The following AUTS2 variants were observed in gnomAD, a reference collection of about 807,000 sequenced individuals.
AUTS2 encodes the protein activator of transcription and developmental regulator AUTS2.
AUTS2 carries 17 observed loss-of-function variants against 112.4 expected under a neutral mutation model. The observed-to-expected ratio is 0.15, with a 90% CI of 0.10 to 0.23. The LOEUF is 0.23. Ranked by LOEUF, AUTS2 falls within the 10% of genes least tolerant of loss-of-function variation. The pLI is 1.00. For missense variants in AUTS2, 1,510 were observed against 1,701.6 expected (o/e 0.89, Z 1.98); for synonymous variants, 751 against 702.7 (o/e 1.07, Z -1.09).
chr7:70,776,239 T>C (rs1790678959), intron 13 of AUTS2, among the ~76,000 whole-genome samples: 1 of 152,206 alleles, frequency 6.6e-6, no homozygotes, highest in South Asian at 2.1e-4. Flanking sequence ...TGTGTTTTCT[T>C]CTCATCTGTC....
At chr7:70,772,086 A>G (rs114646276) in intron 11 of AUTS2, among the ~76,000 whole-genome samples, 2,282 of 152,286 alleles carry the variant, frequency 0.015, 46 homozygotes, top group African/African-American at 0.052. Flanking sequence ...CTAAAATTGT[A>G]TCCTATGAAT....
intron 4 of AUTS2, among the ~76,000 whole-genome samples, chr7:70,233,568 A>C (rs1305101703): frequency 6.6e-6 from 1 of 152,238 alleles, no homozygotes; most frequent in Non-Finnish European, 1.5e-5. Flanking sequence ...GCGGGCAGAT[A>C]CATTTGTCAA....
chr7:70,695,980 C>T (rs1375443870), intron 5 of AUTS2, among the ~76,000 whole-genome samples: 5 of 152,040 alleles, frequency 3.3e-5, no homozygotes, highest in Non-Finnish European at 2.9e-5. Context: ...GAGCTCAATT[C>T]GTCGGCTCAT....
At chr7:70,785,390 C>G in intron 16 of AUTS2, 1 of 508,370 alleles carries the variant, frequency 2.0e-6, no homozygotes, top group Non-Finnish European at 3.8e-6. Flanking sequence ...CTCTAGGAAG[C>G]GGAAAGAAAC....
At chr7:70,765,437 C>G (rs953044957) in intron 8 of AUTS2, among the ~76,000 whole-genome samples, 2 of 152,120 alleles carry the variant, frequency 1.3e-5, no homozygotes, top group East Asian at 1.9e-4. Flanking sequence ...CTTCTCCTGT[C>G]TCCTTGGGAG....
intron 1 of AUTS2, among the ~76,000 whole-genome samples, chr7:69,764,245 G>A (rs1226710543): frequency 6.6e-6 from 1 of 152,216 alleles, no homozygotes; most frequent in Non-Finnish European, 1.5e-5. Flanking sequence ...ATTTCCTGAA[G>A]TGCCATGAAG....
chr7:69,821,379 G>A (rs191376294), intron 1 of AUTS2, among the ~76,000 whole-genome samples: 83 of 152,230 alleles, frequency 5.5e-4, no homozygotes, highest in African/African-American at 2.0e-3. Context: ...CTAAAGGATT[G>A]TAAATGCACC....
intron 2 of AUTS2, among the ~76,000 whole-genome samples, chr7:70,037,776 T>C (rs771838204): frequency 6.6e-5 from 10 of 152,204 alleles, no homozygotes; most frequent in Non-Finnish European, 1.3e-4. Context: ...TTTTCTCATC[T>C]GTGTAATGAT....
chr7:70,779,508 G>A (rs1790926003), intron 14 of AUTS2, among the ~76,000 whole-genome samples: 1 of 152,204 alleles, frequency 6.6e-6, no homozygotes, highest in Admixed American at 6.5e-5. Context: ...TGCACGGGTA[G>A]CTTTTGCTTT....
intron 2 of AUTS2, among the ~76,000 whole-genome samples, chr7:70,074,614 C>T (rs1210692698): frequency 3.3e-5 from 5 of 152,172 alleles, no homozygotes; most frequent in Non-Finnish European, 7.3e-5. Context: ...ATCCCTTTTC[C>T]ACTCCATTAT....
intron 6 of AUTS2, among the ~76,000 whole-genome samples, chr7:70,721,095 A>G (rs1163248543): frequency 2.0e-5 from 3 of 151,400 alleles, no homozygotes; most frequent in Non-Finnish European, 4.4e-5. Context: ...AATAATAATA[A>G]TAATAATAGC....
rs574880272 is a variant in AUTS2, at chr7:69,867,606, T to C, written c.310-31680T>C. Among the ~76,000 whole-genome samples the C allele has an allele frequency of 7.9e-4, 120 of 152,310 alleles. 4 individuals are homozygous for C. In the South Asian group the frequency reaches 0.018, roughly 23 times the overall value. ...TTTTGGCCTTTTGTCCTTGCTTAAA[T>C]TCTCTTCCAATTCTTCCCTTCCAAT... On this transcript the variant is annotated intron_variant, in intron 1 of 18. Coordinates refer to ENST00000342771, the MANE Select transcript of AUTS2 (RefSeq NM_015570.4).
At chr7:69,927,069 T>G (rs1458431045) in intron 2 of AUTS2, among the ~76,000 whole-genome samples, 1 of 147,658 alleles carries the variant, frequency 6.8e-6, no homozygotes, top group Non-Finnish European at 1.5e-5. Flanking sequence ...GTTAAATACT[T>G]TATTCGTCCA....
chr7:70,000,876 G>T (rs1799160840), intron 2 of AUTS2, among the ~76,000 whole-genome samples: 1 of 151,794 alleles, frequency 6.6e-6, no homozygotes, highest in African/African-American at 2.4e-5. Context: ...AACAACAACA[G>T]AAAAATTGGT....
At chr7:70,440,512 T>C (rs1796083163) in intron 5 of AUTS2, among the ~76,000 whole-genome samples, 1 of 152,118 alleles carries the variant, frequency 6.6e-6, no homozygotes, top group Non-Finnish European at 1.5e-5. Context: ...TGAGATAAAA[T>C]GAGAGAGGAC....
intron 4 of AUTS2, among the ~76,000 whole-genome samples, chr7:70,152,445 A>G (rs567783870): frequency 2.0e-5 from 3 of 149,086 alleles, no homozygotes; most frequent in Middle Eastern, 3.4e-3. Context: ...TTTTTTCTGG[A>G]AAAAAAAAAT....
chr7:70,582,844 T>C (rs1042473474), intron 5 of AUTS2, among the ~76,000 whole-genome samples: 2 of 152,198 alleles, frequency 1.3e-5, no homozygotes, highest in African/African-American at 4.8e-5. Context: ...AAAAAAAATG[T>C]GTTGTATATA....
At chr7:70,141,885 A>G (rs1320867829) in intron 4 of AUTS2, among the ~76,000 whole-genome samples, 1 of 152,192 alleles carries the variant, frequency 6.6e-6, no homozygotes, top group Non-Finnish European at 1.5e-5. Flanking sequence ...AATCTCTACA[A>G]CAGGATGACT....
At chr7:69,820,035 G>A (rs1406191129) in intron 1 of AUTS2, among the ~76,000 whole-genome samples, 2 of 152,182 alleles carry the variant, frequency 1.3e-5, no homozygotes, top group Non-Finnish European at 1.5e-5. Context: ...GAGGTTAATT[G>A]CTGCTGCATT....
Sources: allele counts gnomAD v4.1 joint callset (sites outside exome capture counted in the v4.1 genomes callset), GRCh38; gene constraint gnomAD v4.1.1; transcripts MANE v1.5; gene names NCBI Gene and HGNC (gene_info 2026-07-23, HGNC 2026-07-21).